The following VTI1A variants were observed in gnomAD, a reference collection of about 807,000 sequenced individuals.
VTI1A encodes the protein vesicle transport through interaction with t-SNAREs 1A.
VTI1A carries 22 observed loss-of-function variants against 34.9 expected under a neutral mutation model. That is an observed-to-expected ratio of 0.63 (90% CI 0.45 to 0.90). The LOEUF is 0.90. VTI1A is among the 40% of genes least tolerant of loss of function. VTI1A has a pLI of 0.00. For missense variants in VTI1A, 268 were observed against 275.6 expected, an observed-to-expected ratio of 0.97 and a Z score of 0.20; for synonymous variants, 87 against 97.3, an observed-to-expected ratio of 0.89 and a Z score of 0.62.
intron 3 of VTI1A, among the ~76,000 whole-genome samples, chr10:112,505,914 T>C (rs1244113849): frequency 6.6e-6 from 1 of 152,200 alleles, no homozygotes; most frequent in African/African-American, 2.4e-5. Flanking sequence ...AGTCCCCCGT[T>C]ACCTACTTTC....
Position 112,721,266 on chromosome 10 carries a change from T to C in VTI1A, c.560+52268T>C, listed in dbSNP as rs1849797669. Reference sequence around the variant, plus strand: ...AACTTCTCATGGTCACTGAAACAAATAACCGATAGGTGGCATCAAGGAGCA... The same window carrying C: ...AACTTCTCATGGTCACTGAAACAAACAACCGATAGGTGGCATCAAGGAGCA... On this transcript the variant is annotated intron_variant, in intron 7 of 7. Transcript: ENST00000393077. Among the ~76,000 whole-genome samples, 3 of 152,180 alleles carry C rather than the reference T, an allele frequency of 2.0e-5. No individual in the cohort carries two copies. In the South Asian group the frequency reaches 6.2e-4, roughly 32 times the overall value.
intron 3 of VTI1A, among the ~76,000 whole-genome samples, chr10:112,520,878 A>G (rs1850001243): frequency 6.6e-6 from 1 of 151,964 alleles, no homozygotes; most frequent in Admixed American, 6.6e-5. Flanking sequence ...ATTTTTTAAA[A>G]CTAATTTTTA....
chr10:112,447,056 C>A (rs1846844058), upstream of VTI1A: 9 of 322,858 alleles, frequency 2.8e-5, no homozygotes, highest in South Asian at 4.9e-4. Context: ...GGGGAAAAAA[C>A]GCTTCTAATG....
chr10:112,616,782 G>A (rs920997684), intron 5 of VTI1A, among the ~76,000 whole-genome samples: 5 of 152,102 alleles, frequency 3.3e-5, no homozygotes, highest in Admixed American at 3.3e-4. Flanking sequence ...CTGGAGGAAT[G>A]GATTTAAAAG....
At chr10:112,658,060 C>A (rs920553497) in intron 5 of VTI1A, among the ~76,000 whole-genome samples, 5 of 152,044 alleles carry the variant, frequency 3.3e-5, no homozygotes, top group Non-Finnish European at 5.9e-5. Context: ...TTCCTGCATT[C>A]TAGTTTGCTC....
chr10:112,644,899 T>C (rs1192632395), intron 5 of VTI1A, among the ~76,000 whole-genome samples: 2 of 152,222 alleles, frequency 1.3e-5, no homozygotes, highest in Non-Finnish European at 2.9e-5. Flanking sequence ...GTTTCAATCA[T>C]AGTTAGACAT....
the VTI1A span, among the ~76,000 whole-genome samples, chr10:112,846,760 C>T: frequency 5.7e-5 from 8 of 140,698 alleles, no homozygotes; most frequent in South Asian, 2.3e-4. Flanking sequence ...AGCGAGACTC[C>T]GTCTCAAAAA....
intron 7 of VTI1A, among the ~76,000 whole-genome samples, chr10:112,712,474 T>TCTCACACACACACACACACACACA (rs149858856): frequency 7.0e-6 from 1 of 143,406 alleles, no homozygotes; most frequent in African/African-American, 2.6e-5. Context: ...TCAACTATTA[T>TCTCACACACACACACACACACACA]CACACACACA....
At chr10:112,746,298 T>TTAC (rs1359999434) in intron 7 of VTI1A, among the ~76,000 whole-genome samples, 1 of 152,202 alleles carries the variant, frequency 6.6e-6, no homozygotes, top group African/African-American at 2.4e-5. Flanking sequence ...CTGATAAATA[T>TTAC]AGTACAGTCC....
intron 4 of VTI1A, among the ~76,000 whole-genome samples, chr10:112,528,337 C>T (rs1289551691): frequency 6.6e-6 from 1 of 151,896 alleles, no homozygotes; most frequent in Non-Finnish European, 1.5e-5. Context: ...TACTCACCCA[C>T]CCCCAAAAAA....
intron 5 of VTI1A, among the ~76,000 whole-genome samples, chr10:112,649,730 C>G (rs1846936909): frequency 6.6e-6 from 1 of 152,154 alleles, no homozygotes; most frequent in Admixed American, 6.5e-5. Flanking sequence ...GAGGATCCAG[C>G]ACACCTAATG....
At chr10:112,527,000 T>G in intron 3 of VTI1A, 87 bp from the exon 4 acceptor site, 16 of 1,344,370 alleles carry the variant, frequency 1.2e-5, no homozygotes, top group African/African-American at 1.4e-5. Flanking sequence ...TCTCGAGGTT[T>G]GAGATCAGCC....
chr10:112,662,922 T>TACAAACAAACAA (rs71035396), intron 5 of VTI1A, among the ~76,000 whole-genome samples: 3 of 106,078 alleles, frequency 2.8e-5, no homozygotes, highest in Admixed American at 1.4e-4. Context: ...TGCTTCTTCT[T>TACAAACAAACAA]ACAAACAAAC....
chr10:112,529,581 C>A (rs911566840), intron 4 of VTI1A, among the ~76,000 whole-genome samples: 21 of 151,898 alleles, frequency 1.4e-4, no homozygotes, highest in African/African-American at 4.6e-4. Context: ...AGGTCTTCTG[C>A]CTACAAATAA....
chr10:112,656,651 G>A (rs1469634762), intron 5 of VTI1A, among the ~76,000 whole-genome samples: 1 of 150,198 alleles, frequency 6.7e-6, no homozygotes, highest in African/African-American at 2.4e-5. Flanking sequence ...TTATAGGCAT[G>A]AGCCACCACA....
At chr10:112,495,196 C>CTTTTTTTTTTTT (rs751870581) in intron 3 of VTI1A, among the ~76,000 whole-genome samples, 1 of 79,054 alleles carries the variant, frequency 1.3e-5, no homozygotes, top group Non-Finnish European at 2.5e-5. Context: ...CAGTAATGGT[C>CTTTTTTTTTTTT]TTTTTTTTTT....
intron 4 of VTI1A, among the ~76,000 whole-genome samples, chr10:112,537,664 T>C (rs1237593672): frequency 1.3e-5 from 2 of 152,130 alleles, no homozygotes; most frequent in African/African-American, 4.8e-5. Context: ...TGGAGAAACA[T>C]GTGTCTCTTG....
chr10:112,495,545 C>G (rs1424852490), intron 3 of VTI1A, among the ~76,000 whole-genome samples: 2 of 152,096 alleles, frequency 1.3e-5, no homozygotes, highest in African/African-American at 4.8e-5. Context: ...GTTGTAGAAT[C>G]AGTAATTCAC....
chr10:112,686,056 C>T (rs1220822443), intron 7 of VTI1A, among the ~76,000 whole-genome samples: 2 of 152,150 alleles, frequency 1.3e-5, no homozygotes, highest in Non-Finnish European at 2.9e-5. Flanking sequence ...CTCTGGTTTC[C>T]TTACTGCATA....
Sources: gnomAD v4.1 joint callset for allele counts (sites outside exome capture counted in the v4.1 genomes callset) on GRCh38, gnomAD v4.1.1 for gene constraint, MANE v1.5 for transcripts, NCBI Gene and HGNC (gene_info 2026-07-23, HGNC 2026-07-21) for gene names.